The following AFDN variants were observed in gnomAD, a reference collection of about 807,000 sequenced individuals.
The protein encoded by AFDN is afadin, adherens junction formation factor.
In AFDN, 68 loss-of-function variants were observed where a neutral mutation model predicts 216.6. That is an observed-to-expected ratio of 0.31 (90% CI 0.26 to 0.38). The LOEUF (loss-of-function observed/expected upper bound fraction) is 0.38, where lower values mean the gene tolerates loss of function less well. Ranked by LOEUF, AFDN falls within the 10% of genes least tolerant of loss-of-function variation. The pLI is 1.00. For missense variants in AFDN, 2,136 were observed against 2,342.0 expected, an observed-to-expected ratio of 0.91 and a Z score of 1.82; for synonymous variants, 868 against 853.7, an observed-to-expected ratio of 1.02 and a Z score of -0.29.
chr6:167,885,794 C>CA (rs1465486726), intron 6 of AFDN, among the ~76,000 whole-genome samples: 1 of 152,194 alleles, frequency 6.6e-6, no homozygotes, highest in African/African-American at 2.4e-5. Context: ...CTTAAAAGAG[C>CA]AATATCCGTG....
At chr6:167,939,597 G>A (rs757637235) in intron 23 of AFDN, among the ~76,000 whole-genome samples, 5 of 152,188 alleles carry the variant, frequency 3.3e-5, no homozygotes, top group African/African-American at 9.7e-5. Flanking sequence ...TGATGTGTAC[G>A]TGGAGCTTAG....
At chr6:167,878,466 A>T (rs917779380) in intron 5 of AFDN, among the ~76,000 whole-genome samples, 13 of 152,116 alleles carry the variant, frequency 8.5e-5, no homozygotes, top group African/African-American at 3.1e-4. Flanking sequence ...CCCTATCTTC[A>T]TCCAAAAGCC....
chr6:167,905,300 T>A (rs1489962049), intron 12 of AFDN, among the ~76,000 whole-genome samples: 2 of 152,230 alleles, frequency 1.3e-5, no homozygotes, highest in Non-Finnish European at 2.9e-5. Context: ...GCTGTATTTC[T>A]ATTGCACTTT....
At chr6:167,888,637 T>G (rs1338234240) in intron 6 of AFDN, among the ~76,000 whole-genome samples, 1 of 152,208 alleles carries the variant, frequency 6.6e-6, no homozygotes, top group Non-Finnish European at 1.5e-5. Flanking sequence ...AATTAGGAGT[T>G]CAATGAATAC....
At chr6:167,847,865 T>A (rs957195779) in intron 1 of AFDN, among the ~76,000 whole-genome samples, 1 of 151,900 alleles carries the variant, frequency 6.6e-6, no homozygotes, top group Non-Finnish European at 1.5e-5. Context: ...ACTCCCCAAT[T>A]TTTTTTTAAT....
At chr6:167,901,149 T>A (rs184678976) in intron 11 of AFDN, among the ~76,000 whole-genome samples, 130 of 152,332 alleles carry the variant, frequency 8.5e-4, no homozygotes, top group African/African-American at 3.1e-3. Flanking sequence ...AAATAAAAGT[T>A]TCCCATTACC....
At chr6:167,950,245 T>C (rs1434944212) in intron 29 of AFDN, among the ~76,000 whole-genome samples, 1 of 152,236 alleles carries the variant, frequency 6.6e-6, no homozygotes, top group African/African-American at 2.4e-5. Context: ...CTGGTTTACA[T>C]CTTTAATTTG....
chr6:167,952,732 G>C (rs1360738637), intron 30 of AFDN, among the ~76,000 whole-genome samples: 2 of 152,188 alleles, frequency 1.3e-5, no homozygotes, highest in Non-Finnish European at 2.9e-5. Context: ...TCAGCATTTT[G>C]TGGTGGTGAA....
At chr6:167,846,332 T>C (rs1215157331) in intron 1 of AFDN, among the ~76,000 whole-genome samples, 2 of 152,144 alleles carry the variant, frequency 1.3e-5, no homozygotes, top group Non-Finnish European at 1.5e-5. Context: ...TTTAGATGTT[T>C]TAAGTTCCTA....
intron 13 of AFDN, among the ~76,000 whole-genome samples, chr6:167,908,860 G>T (rs1356110760): frequency 1.3e-5 from 2 of 152,122 alleles, no homozygotes; most frequent in Non-Finnish European, 2.9e-5. Context: ...TTTCACATGG[G>T]CAGTGTTATA....
intron 23 of AFDN, among the ~76,000 whole-genome samples, chr6:167,942,264 T>C (rs1180112300): frequency 6.6e-6 from 1 of 152,258 alleles, no homozygotes; most frequent in Non-Finnish European, 1.5e-5. Context: ...AAGTCATGTG[T>C]TGAATCGTAT....
chr6:167,847,782 C>T (rs1781862918), intron 1 of AFDN, among the ~76,000 whole-genome samples: 2 of 152,166 alleles, frequency 1.3e-5, no homozygotes, highest in South Asian at 4.1e-4. Flanking sequence ...TGCCTTTGCC[C>T]CCTTACAGTC....
intron 23 of AFDN, among the ~76,000 whole-genome samples, chr6:167,933,291 T>C (rs1236801547): frequency 6.6e-6 from 1 of 152,246 alleles, no homozygotes; most frequent in Admixed American, 6.5e-5. Context: ...GACAATGTAC[T>C]GATTTAAAGT....
In AFDN at chr6:167,911,472, A is replaced by G; in HGVS notation, c.2020A>G (p.Met674Val). The change falls in exon 15 of 34, where the codon ATG becomes GTG. Residue 674 changes from methionine (M) to valine (V), a missense_variant. Transcript: ENST00000683244. ...AGTCGTCAACAAGATGGTGAGCATG[A>G]TGGAGGGTGTCATCCAGGTACGTTC... ...IAVVNKMVSM[M>V]EGVIQEVDQV... 1 of 1,614,136 alleles carries G rather than the reference A, an allele frequency of 6.2e-7. No individual in the cohort carries two copies. Among genetic ancestry groups the G allele is most frequent in the Non-Finnish European group, 8.5e-7 (1 of 1,180,008 alleles).
At chr6:167,936,402 A>G (rs1261787754) in intron 23 of AFDN, among the ~76,000 whole-genome samples, 1 of 152,226 alleles carries the variant, frequency 6.6e-6, no homozygotes, top group Admixed American at 6.5e-5. Flanking sequence ...TAGAATTACC[A>G]TAAAATGAAT....
chr6:167,872,514 A>G (rs1026481304), intron 4 of AFDN, 137 bp downstream of exon 4: 10 of 932,648 alleles, frequency 1.1e-5, no homozygotes, highest in Non-Finnish European at 1.5e-5. Flanking sequence ...GTCTACTCCC[A>G]GCTCTTCTGT....
In AFDN at chr6:167,914,674, T is replaced by A; in HGVS notation, c.2235T>A (p.Leu745=). The A allele has an allele frequency of 6.2e-7, 1 of 1,613,308 alleles. No individual in the cohort carries two copies. The highest frequency in any genetic ancestry group is 8.5e-7 in the Non-Finnish European group (1 of 1,179,358). ...TGGTTCACTGTCTTCAATCAGAACT[T>A]AATAATTACATGCCAGCCTTTCTAG... ...KYLVHCLQSE[L]NNYMPAFLDD... Residue 745 remains leucine, a synonymous_variant, in exon 18 of 34, where the codon CTT becomes CTA. Coordinates refer to ENST00000683244, the MANE Select transcript of AFDN (RefSeq NM_001386888.1).
At chr6:167,915,507 T>C (rs1790939877) in intron 19 of AFDN, 74 bp downstream of exon 19, 1 of 1,504,814 alleles carries the variant, frequency 6.6e-7, no homozygotes, top group African/African-American at 1.4e-5. Context: ...GAGCAAGAGC[T>C]TCAATGCAGC....
chr6:167,946,621 C>T, intron 26 of AFDN, 86 bp from the exon 27 acceptor site: 1 of 1,231,194 alleles, frequency 8.1e-7, no homozygotes, highest in Non-Finnish European at 1.2e-6. Flanking sequence ...ATTTCTTATG[C>T]TAAGAACAAT....
Sources: gnomAD v4.1 joint callset for allele counts (sites outside exome capture counted in the v4.1 genomes callset) on GRCh38, gnomAD v4.1.1 for gene constraint, MANE v1.5 for transcripts, NCBI Gene and HGNC (gene_info 2026-07-23, HGNC 2026-07-21) for gene names.